The following RBPJ variants were observed in gnomAD, a reference collection of about 807,000 sequenced individuals.
RBPJ encodes recombination signal binding protein for immunoglobulin kappa J region.
A neutral mutation model predicts 67.8 loss-of-function variants in RBPJ; 9 were observed. The ratio of observed to expected loss-of-function variants is 0.13; its 90% confidence interval spans 0.08 to 0.23. The LOEUF (loss-of-function observed/expected upper bound fraction) is 0.23. Ranked by LOEUF, RBPJ falls within the 10% of genes least tolerant of loss-of-function variation. The probability of loss-of-function intolerance (pLI) is 1.00; values close to 1 mark genes in which losing one functional copy is unlikely to be tolerated. For synonymous variants in RBPJ, 198 were observed against 203.3 expected (o/e 0.97, Z 0.22); for missense variants, 305 against 595.6 (o/e 0.51, Z 5.08).
chr4:26,336,484 TAAAACAAAACAAAAC>T (rs368735581), intron 1 of RBPJ, among the ~76,000 whole-genome samples: 19 of 151,836 alleles, frequency 1.3e-4, no homozygotes, highest in African/African-American at 4.4e-4. Flanking sequence ...CCCCATCTCT[TAAAACAAAACAAAAC>T]AAAACAAAAC....
chr4:26,305,680 T>A (rs1455064897), intron 1 of RBPJ, among the ~76,000 whole-genome samples: 2 of 151,970 alleles, frequency 1.3e-5, no homozygotes, highest in South Asian at 2.1e-4. Context: ...ACAATTTTTT[T>A]ATATTAATCT....
chr4:26,132,432 G>A, the RBPJ span, among the ~76,000 whole-genome samples: 1 of 108,976 alleles, frequency 9.2e-6, no homozygotes, highest in Non-Finnish European at 2.2e-5. Flanking sequence ...CCCTTCCAGA[G>A]CTGCTCATGG....
intron 1 of RBPJ, among the ~76,000 whole-genome samples, chr4:26,240,819 CA>C (rs1188448022): frequency 1.3e-5 from 2 of 152,036 alleles, no homozygotes; most frequent in East Asian, 3.9e-4. Flanking sequence ...CTGTGACCCC[CA>C]ATAGTTGATG....
the RBPJ span, among the ~76,000 whole-genome samples, chr4:26,146,638 C>T: frequency 1.3e-5 from 2 of 152,168 alleles, no homozygotes; most frequent in East Asian, 1.9e-4. Context: ...AAACACAACT[C>T]CTGCTCTCAT....
At chr4:26,402,629 C>T (rs536793796) in intron 2 of RBPJ, among the ~76,000 whole-genome samples, 1 of 152,274 alleles carries the variant, frequency 6.6e-6, no homozygotes, top group Non-Finnish European at 1.5e-5. Context: ...TCCCTTCTTT[C>T]GAGGTTGTGT....
At chr4:26,352,734 C>G (rs1291001359) in intron 1 of RBPJ, among the ~76,000 whole-genome samples, 1 of 152,200 alleles carries the variant, frequency 6.6e-6, no homozygotes, top group Non-Finnish European at 1.5e-5. Flanking sequence ...CAAACAAAAT[C>G]AAACAAAATC....
intron 1 of RBPJ, among the ~76,000 whole-genome samples, chr4:26,238,319 C>T (rs947378000): frequency 6.6e-6 from 1 of 152,204 alleles, no homozygotes; most frequent in Non-Finnish European, 1.5e-5. Context: ...GCCTCAGCCT[C>T]CCAAAGTGCT....
rs1009681928 is a variant in RBPJ at position 26,424,796 on chromosome 4, A to G, written c.747+53A>G. 2.5e-5 allele frequency: 26 copies of G among 1,053,096 alleles called. No individual in the cohort carries two copies. In the East Asian group the frequency reaches 5.7e-4, roughly 23 times the overall value. The allele number at this position is 1,053,096 out of a possible 1,614,324, so 65.2% of individuals were successfully genotyped here. A position where few individuals can be genotyped will look rare whatever the true frequency, so the allele number is the denominator to read the frequency against. Reference sequence around the variant, plus strand: ...AATGTGAAGTAAAAATTAATTTCTTAAACAGGAAAATCACAACATTCAAAT... The same window carrying G: ...AATGTGAAGTAAAAATTAATTTCTTGAACAGGAAAATCACAACATTCAAAT... On this transcript the variant is annotated intron_variant, in intron 7 of 10. Transcript: ENST00000355476. The surrounding 1 kb of genome is among the most constrained non-coding windows in gnomAD (Gnocchi z 5.3).
chr4:26,429,550 C>G (rs1377324213), intron 8 of RBPJ, among the ~76,000 whole-genome samples: 1 of 152,046 alleles, frequency 6.6e-6, no homozygotes, highest in Non-Finnish European at 1.5e-5. Flanking sequence ...TCTTAGGAGT[C>G]CTTGAAGAGT....
intron 1 of RBPJ, among the ~76,000 whole-genome samples, chr4:26,173,768 A>G (rs1023545136): frequency 2.0e-5 from 3 of 152,210 alleles, no homozygotes; most frequent in Admixed American, 6.5e-5. Context: ...CAACATGTGT[A>G]TACTCTGCAT....
intron 1 of RBPJ, among the ~76,000 whole-genome samples, chr4:26,278,181 AT>A (rs1331981024): frequency 6.6e-6 from 1 of 152,200 alleles, no homozygotes; most frequent in African/African-American, 2.4e-5. Flanking sequence ...TATACTTCAT[AT>A]TCATCTTCAA....
At chr4:26,270,414 AAAGAAAGAAAGAAAGAAAGAAAG>A (rs1488331404) in intron 1 of RBPJ, among the ~76,000 whole-genome samples, 1,689 of 60,030 alleles carry the variant, frequency 0.028, 344 homozygotes, top group Middle Eastern at 0.094. Flanking sequence ...AGAAAGAAAG[AAAGAAAGAAAGAAAGAAAGAAAG>A]AAGAAAGAAA....
intron 7 of RBPJ, among the ~76,000 whole-genome samples, chr4:26,428,071 T>C (rs1302686605): frequency 6.6e-6 from 1 of 152,268 alleles, no homozygotes; most frequent in East Asian, 1.9e-4. Context: ...CTTCAGCTAC[T>C]AAACTGGTAA....
chr4:26,356,850 T>C (rs1186866343), intron 1 of RBPJ, among the ~76,000 whole-genome samples: 2 of 152,242 alleles, frequency 1.3e-5, no homozygotes, highest in East Asian at 1.9e-4. Flanking sequence ...TGTGCAGTTA[T>C]ACTTTTGATA....
intron 1 of RBPJ, among the ~76,000 whole-genome samples, chr4:26,288,695 G>A (rs563463329): frequency 9.2e-5 from 14 of 152,210 alleles, no homozygotes; most frequent in African/African-American, 3.4e-4. Flanking sequence ...GCTCAGCCCT[G>A]CAAGACAGGG....
At chr4:26,177,598 A>G (rs28540129) in intron 1 of RBPJ, among the ~76,000 whole-genome samples, 109,961 of 151,338 alleles carry the variant, frequency 0.73, 41,139 homozygotes, top group African/African-American at 0.92. Context: ...GAAAGAGAGA[A>G]AGAGAAAGAG....
chr4:26,286,613 C>T (rs1315275700), intron 1 of RBPJ, among the ~76,000 whole-genome samples: 3 of 152,096 alleles, frequency 2.0e-5, no homozygotes, highest in South Asian at 4.1e-4. Context: ...CATAGAACAT[C>T]CCATTCTTAC....
chr4:26,283,821 C>T (rs1321058253), intron 1 of RBPJ, among the ~76,000 whole-genome samples: 3 of 151,992 alleles, frequency 2.0e-5, no homozygotes, highest in Non-Finnish European at 4.4e-5. Context: ...TAATTTCGTA[C>T]TTTTAGTAGA....
At chr4:26,345,767 A>AT (rs1211569248) in intron 1 of RBPJ, among the ~76,000 whole-genome samples, 3 of 152,106 alleles carry the variant, frequency 2.0e-5, no homozygotes, top group Non-Finnish European at 2.9e-5. Context: ...TCTACGTGCT[A>AT]TTTTCATTTC....
Sources: gnomAD v4.1 joint callset for allele counts (sites outside exome capture counted in the v4.1 genomes callset) on GRCh38, gnomAD v4.1.1 for gene constraint, Gnocchi (gnomAD v3.1) non-coding constraint, MANE v1.5 for transcripts, NCBI Gene and HGNC (gene_info 2026-07-23, HGNC 2026-07-21) for gene names.